CDKL5: variants seen among roughly 807,000 people sequenced by gnomAD.
The protein encoded by CDKL5 is cyclin-dependent kinase-like 5.
CDKL5 carries 8 observed loss-of-function variants against 61.7 expected under a neutral mutation model. The ratio of observed to expected loss-of-function variants is 0.13; its 90% CI spans 0.08 to 0.23. The LOEUF (loss-of-function observed/expected upper bound fraction) is 0.23, where lower values mean the gene tolerates loss of function less well. CDKL5 is among the 10% of genes least tolerant of loss of function. The pLI, the probability that CDKL5 is intolerant of heterozygous loss-of-function variation, is 1.00. For synonymous variants in CDKL5, 275 were observed against 272.3 expected (o/e 1.01, Z -0.10); for missense variants, 440 against 734.5 (o/e 0.60, Z 4.63).
At chrX:18,543,006 A>G (rs765867538) in intron 3 of CDKL5, among the ~76,000 whole-genome samples, 2 of 110,606 alleles carry the variant, frequency 1.8e-5, no homozygotes, top group East Asian at 5.7e-4. Context: ...CTGATGGGCA[A>G]TGAAAGATTA....
At chrX:18,536,079 C>T (rs1354344091) in intron 3 of CDKL5, 2 of 112,316 alleles carry the variant, frequency 1.8e-5, no homozygotes, top group Non-Finnish European at 3.8e-5. Flanking sequence ...TGGGCACTAG[C>T]CATGGTAGGC....
intron 3 of CDKL5, chrX:18,535,446 G>A (rs972055984): frequency 1.8e-5 from 2 of 112,115 alleles, no homozygotes; most frequent in Non-Finnish European, 3.8e-5. Flanking sequence ...AGATGCACTT[G>A]CAGGGAATTG....
intron 3 of CDKL5, among the ~76,000 whole-genome samples, chrX:18,511,412 C>T (rs750239903): frequency 6.4e-5 from 7 of 109,903 alleles, no homozygotes; most frequent in Non-Finnish European, 1.3e-4. Flanking sequence ...TGACCTATGC[C>T]GTGCACCTCA....
chrX:18,560,851 A>G (rs1178595629), intron 3 of CDKL5, among the ~76,000 whole-genome samples: 1 of 111,482 alleles, frequency 9.0e-6, no homozygotes, highest in Non-Finnish European at 1.9e-5. Context: ...AAAGAAAAGG[A>G]AAAGTCCTAA....
chrX:18,478,985 G>C (rs1165748520), intron 1 of CDKL5, among the ~76,000 whole-genome samples: 2 of 111,412 alleles, frequency 1.8e-5, no homozygotes, highest in African/African-American at 6.5e-5. Context: ...CAAAGTGCTG[G>C]TATTACAGGC....
chrX:18,435,284 C>A (rs555277518), intron 1 of CDKL5, among the ~76,000 whole-genome samples: 1 of 111,438 alleles, frequency 9.0e-6, no homozygotes, highest in Non-Finnish European at 1.9e-5. Context: ...ATTATTATTC[C>A]TAATATTACC....
intron 3 of CDKL5, among the ~76,000 whole-genome samples, chrX:18,541,198 C>A (rs915178140): frequency 4.6e-4 from 51 of 111,955 alleles, no homozygotes; most frequent in African/African-American, 1.6e-3. Context: ...CTGCATGAAT[C>A]TGTAGGTTAT....
intron 12 of CDKL5, 145 bp from the exon 13 acceptor site, chrX:18,608,666 C>G (rs367675129): frequency 2.1e-6 from 1 of 482,829 alleles, no homozygotes; most frequent in Non-Finnish European, 3.7e-6. Context: ...AGATTATTCA[C>G]TTTTATGGGA....
chrX:18,462,522 A>G (rs1932312147), intron 1 of CDKL5, among the ~76,000 whole-genome samples: 1 of 111,491 alleles, frequency 9.0e-6, no homozygotes, highest in Non-Finnish European at 1.9e-5. Flanking sequence ...GTCTAGACTT[A>G]ATTGGTCAGA....
chrX:18,467,710 A>G (rs1230444285), intron 1 of CDKL5, among the ~76,000 whole-genome samples: 1 of 112,023 alleles, frequency 8.9e-6, no homozygotes, highest in Non-Finnish European at 1.9e-5. Context: ...AGGGATTGCA[A>G]CTTAAAACAG....
Position 18,610,001 on chromosome X carries a change from A to G in CDKL5, c.2152+431A>G, listed in dbSNP as rs181481584. ...GAGATGGACACTAAACATAATAATT[A>G]TATAGAGCAGTAAAAGATATTAAGT... On this transcript the variant is annotated intron_variant, in intron 14 of 17. Transcript: ENST00000623535. 3.5e-3 allele frequency among the ~76,000 whole-genome samples: 388 copies of G among 112,076 alleles called. 2 individuals carry two copies. In the Middle Eastern group the frequency reaches 0.042, roughly 12 times the overall value.
At chrX:18,505,806 G>A (rs1213719225) in intron 1 of CDKL5, among the ~76,000 whole-genome samples, 1 of 112,383 alleles carries the variant, frequency 8.9e-6, no homozygotes, top group Non-Finnish European at 1.9e-5. Context: ...TTTTCTTCTT[G>A]TAATTAATAG....
At chrX:18,647,850 A>G (rs1927850613) in intron 20 of CDKL5, among the ~76,000 whole-genome samples, 1 of 110,197 alleles carries the variant, frequency 9.1e-6, no homozygotes, top group Non-Finnish European at 1.9e-5. Flanking sequence ...GATATAGAGA[A>G]TGACTTCCTA....
chrX:18,506,485 C>A (rs1212382414), intron 1 of CDKL5, among the ~76,000 whole-genome samples: 4 of 112,054 alleles, frequency 3.6e-5, no homozygotes, highest in Non-Finnish European at 7.5e-5. Flanking sequence ...TTTGTTACTC[C>A]CTTTTATGAG....
intron 20 of CDKL5, chrX:18,650,004 A>G (rs976419988): frequency 4.2e-6 from 1 of 240,370 alleles, no homozygotes; most frequent in African/African-American, 2.9e-5. Flanking sequence ...GCTCAGGGCT[A>G]CTAGCTCTGA....
At chrX:18,502,926 A>G (rs895490659) in intron 1 of CDKL5, among the ~76,000 whole-genome samples, 1 of 111,577 alleles carries the variant, frequency 9.0e-6, no homozygotes, top group Non-Finnish European at 1.9e-5. Flanking sequence ...CTGCCCTTCC[A>G]TATATATTTT....
chrX:18,628,955 C>A lies in CDKL5; in HGVS notation c.*198C>A, dbSNP rs1846455021. On this transcript the variant is annotated 3_prime_UTR_variant, in exon 18 of 18. Coordinates refer to ENST00000623535, the MANE Select transcript of CDKL5 (RefSeq NM_001323289.2). ...ATGCTAGTCAGGGATCTTAGAGCCA[C>A]AGGAGTTCCTTAGGGATCGCCACTC... 1.3e-5 allele frequency: 14 copies of A among 1,038,177 alleles called. No individual in the cohort carries two copies. The highest frequency in any genetic ancestry group is 1.7e-5 in the Non-Finnish European group (14 of 815,745). 85.6% of individuals were successfully genotyped at this position (1,038,177 alleles called of 1,213,427 possible). A position where few individuals can be genotyped will look rare whatever the true frequency, so the allele number is the denominator to read the frequency against.
chrX:18,493,965 A>G (rs1423500927), intron 1 of CDKL5, among the ~76,000 whole-genome samples: 1 of 111,796 alleles, frequency 8.9e-6, no homozygotes, highest in African/African-American at 3.3e-5. Context: ...CCCAGGCTAG[A>G]GTGCAGTGGC....
intron 16 of CDKL5, among the ~76,000 whole-genome samples, chrX:18,624,435 G>A (rs1257357399): frequency 8.9e-6 from 1 of 112,383 alleles, no homozygotes; most frequent in Non-Finnish European, 1.9e-5. Context: ...TGAAAAAACA[G>A]CTTGTTTCCT....
Sources: allele counts gnomAD v4.1 joint callset (sites outside exome capture counted in the v4.1 genomes callset), GRCh38; gene constraint gnomAD v4.1.1; transcripts MANE v1.5; gene names NCBI Gene and HGNC (gene_info 2026-07-23, HGNC 2026-07-21).